The following OR4E2 variants were observed in gnomAD, a reference collection of about 807,000 sequenced individuals.
OR4E2 encodes olfactory receptor 4E2.
In OR4E2, 9 loss-of-function variants were observed where a neutral mutation model predicts 11.0. The observed-to-expected ratio is 0.82, with a 90% CI of 0.49 to 1.43. The LOEUF (loss-of-function observed/expected upper bound fraction) is 1.43. Among genes scored for constraint, OR4E2 ranks in the 40% most tolerant of loss-of-function variants. OR4E2 has a pLI of 0.00. For synonymous variants in OR4E2, 159 were observed against 147.3 expected (o/e 1.08, Z -0.57); for missense variants, 441 against 382.0 (o/e 1.15, Z -1.29).
In OR4E2 at chr14:21,662,776, A is replaced by G. The variant is rs898390158; in HGVS notation, c.-9+2030A>G. Among the ~76,000 whole-genome samples, 17 of 152,190 alleles carry G rather than the reference A, an allele frequency of 1.1e-4. No individual in the cohort carries two copies. In the South Asian group the frequency reaches 3.3e-3, roughly 30 times the overall value. On this transcript the variant is annotated intron_variant, in intron 3 of 3. Transcript: ENST00000641524. Reference sequence around the variant, plus strand: ...ACTACTGTTCCTAATGTAAACCCCTAATGTAAGCCTCACGTTATTTTAAAT... The same window carrying G: ...ACTACTGTTCCTAATGTAAACCCCTGATGTAAGCCTCACGTTATTTTAAAT...
At position 21,654,524 on chromosome 14, in the gene OR4E2, A is replaced by G. The variant is rs76779294; in HGVS notation, c.-191+585A>G. ...AAATTAGTCCTTTGGTATACATGGG[A>G]GGATTGGTTTCCAGGATGCCCCTAC... On this transcript the variant is annotated intron_variant, in intron 1 of 3. Coordinates refer to ENST00000641524, the MANE Select transcript of OR4E2 (RefSeq NM_001001912.3). Among the ~76,000 whole-genome samples the G allele has an allele frequency of 9.4e-3, 1,429 of 152,008 alleles. 9 individuals are homozygous for G. The highest frequency in any genetic ancestry group is 0.014 in the Non-Finnish European group (960 of 68,000).
chr14:21,665,229 A>C lies in OR4E2; in HGVS notation c.147A>C (p.Thr49=), dbSNP rs564198017. Residue 49 remains threonine (T), a synonymous_variant, in exon 4 of 4, where the codon ACA becomes ACC. Transcript: ENST00000641524. ...LSGNILIIIA[T]VFTPSLHTPM... is the part of the protein sequence containing the mutation. ...GGAACATTCTCATCATCATTGCCACAGTCTTTACTCCAAGTCTCCATACCC... is the reference window on the plus strand; with the variant it reads ...GGAACATTCTCATCATCATTGCCACCGTCTTTACTCCAAGTCTCCATACCC... The C allele has an allele frequency of 6.2e-6, 10 of 1,614,078 alleles. No individual in the cohort carries two copies. In the South Asian group the frequency reaches 1.1e-4, roughly 18 times the overall value.
rs1294212928 is a variant in OR4E2, at chr14:21,667,396, C to T, written c.*1372C>T. ...CACTAACTCTAACTAAAGAGTAATA[C>T]ATGATTACCTTTTAGTAATCAAAAG... On this transcript the variant is annotated 3_prime_UTR_variant, in exon 4 of 4. Transcript: ENST00000641524. 4 of 152,090 alleles carry T rather than the reference C, an allele frequency of 2.6e-5. No homozygotes were observed. The highest frequency in any genetic ancestry group is 7.2e-5 in the African/African-American group (3 of 41,414). The allele number at this position is 152,090 out of a possible 1,614,324, so 9.4% of individuals were successfully genotyped here. A position where few individuals can be genotyped will look rare whatever the true frequency, so the allele number is the denominator to read the frequency against.
At chr14:21,657,345 CCTTCCT>C (rs1880006845) in intron 2 of OR4E2, among the ~76,000 whole-genome samples, 2 of 124,428 alleles carry the variant, frequency 1.6e-5, no homozygotes, top group Non-Finnish European at 3.3e-5. Context: ...ATGCTTCCTT[CCTTCCT>C]TCCTTCCTTC....
intron 2 of OR4E2, among the ~76,000 whole-genome samples, chr14:21,658,519 C>A (rs1327761784): frequency 3.3e-5 from 5 of 152,092 alleles, no homozygotes. Context: ...AAGGATTGAG[C>A]CTTTAGTGCT....
In OR4E2 at chr14:21,666,025, T is replaced by C. The variant is rs1594552193; in HGVS notation, c.*1T>C. The C allele has an allele frequency of 3.7e-6, 6 of 1,605,054 alleles. No homozygotes were observed. The highest frequency in any genetic ancestry group is 5.1e-6 in the Non-Finnish European group (6 of 1,173,844). ...TTTTTTCACGAAATCATATACATAA[T>C]GGGCACTGGGATTGCAGACATAATT... On this transcript the variant is annotated 3_prime_UTR_variant, in exon 4 of 4. Transcript: ENST00000641524.
chr14:21,666,134 A>G lies in OR4E2; in HGVS notation c.*110A>G. 1.4e-6 allele frequency: 1 copy of G among 713,982 alleles called. No homozygotes were observed. The highest frequency in any genetic ancestry group is 1.9e-5 in the South Asian group (1 of 52,588). The allele number at this position is 713,982 out of a possible 1,614,324, so 44.2% of individuals were successfully genotyped here. On this transcript the variant is annotated 3_prime_UTR_variant, in exon 4 of 4. Coordinates refer to ENST00000641524, the MANE Select transcript of OR4E2 (RefSeq NM_001001912.3). Reference sequence around the variant, plus strand: ...TGGTAAATTAGGTAAAATGGCATAGAGCAGGTCAGATTTCTGCTCATTAAA... The same window carrying G: ...TGGTAAATTAGGTAAAATGGCATAGGGCAGGTCAGATTTCTGCTCATTAAA...
chr14:21,661,861 A>G (rs1363074117), intron 3 of OR4E2, among the ~76,000 whole-genome samples: 1 of 152,120 alleles, frequency 6.6e-6, no homozygotes, highest in Admixed American at 6.5e-5. Context: ...TTTAGTTACC[A>G]GTTTCTTTAT....
intron 2 of OR4E2, among the ~76,000 whole-genome samples, chr14:21,658,115 C>T (rs1880115346): frequency 6.6e-6 from 1 of 152,194 alleles, no homozygotes; most frequent in Non-Finnish European, 1.5e-5. Flanking sequence ...TAATCCAACT[C>T]AGCTCTCTGC....
chr14:21,666,213 A>G lies in OR4E2; in HGVS notation c.*189A>G. ...TAAGAACTTATTAACTATTATTTAA[A>G]TAAAGCAAAAGATCATAGTGGAAGT... On this transcript the variant is annotated 3_prime_UTR_variant, in exon 4 of 4. Transcript: ENST00000641524. The G allele has an allele frequency of 2.1e-6, 1 of 470,948 alleles. No homozygotes were observed. Among genetic ancestry groups the G allele is most frequent in the South Asian group, 4.1e-5 (1 of 24,476 alleles). 29.2% of individuals were successfully genotyped at this position (470,948 alleles called of 1,614,324 possible). A position where few individuals can be genotyped will look rare whatever the true frequency, so the allele number is the denominator to read the frequency against.
chr14:21,662,622 T>A (rs1880394570), intron 3 of OR4E2, among the ~76,000 whole-genome samples: 1 of 152,172 alleles, frequency 6.6e-6, no homozygotes, highest in Non-Finnish European at 1.5e-5. Flanking sequence ...TTTAAATTAT[T>A]GAGAAAGTTT....
chr14:21,658,199 G>C (rs1880121824), intron 2 of OR4E2, among the ~76,000 whole-genome samples: 1 of 152,216 alleles, frequency 6.6e-6, no homozygotes, highest in African/African-American at 2.4e-5. Context: ...CCATGCAAAA[G>C]CTGGGAAAGC....
chr14:21,663,951 G>A (rs1043687280), intron 3 of OR4E2, among the ~76,000 whole-genome samples: 1 of 152,168 alleles, frequency 6.6e-6, no homozygotes, highest in East Asian at 1.9e-4. Flanking sequence ...TTTTATGGCT[G>A]CATAATATTT....
chr14:21,663,487 A>T (rs75646075), intron 3 of OR4E2, among the ~76,000 whole-genome samples: 1 of 149,830 alleles, frequency 6.7e-6, no homozygotes, highest in Admixed American at 6.6e-5. Flanking sequence ...CTCGAAAAAA[A>T]TTTTTTTTTT....
chr14:21,664,298 C>T (rs1447336997), intron 3 of OR4E2, among the ~76,000 whole-genome samples: 1 of 152,206 alleles, frequency 6.6e-6, no homozygotes, highest in Non-Finnish European at 1.5e-5. Context: ...TTCATAATAG[C>T]CAATGGTATC....
Position 21,665,962 on chromosome 14 carries a change from G to A in OR4E2, c.880G>A (p.Val294Ile), listed in dbSNP as rs577235126. 1.2e-6 allele frequency: 2 copies of A among 1,614,068 alleles called. No individual in the cohort carries two copies. The highest frequency in any genetic ancestry group is 8.5e-7 in the Non-Finnish European group (1 of 1,180,012). Residue 294 changes from valine (V) to isoleucine (I), a missense_variant, in exon 4 of 4, where the codon GTA becomes ATA. Val to Ile is a conservative substitution (Grantham distance 29). Transcript: ENST00000641524. ...PFIYTLRNEEVKSAMKQLRQR... is the reference protein window; with the variant it reads ...PFIYTLRNEEIKSAMKQLRQR... ...CATTTACACCTTGAGGAATGAGGAG[G>A]TAAAAAGTGCCATGAAGCAGCTCAG... is the stretch of plus-strand genomic sequence containing the variant.
chr14:21,662,856 A>G (rs576854040), intron 3 of OR4E2, among the ~76,000 whole-genome samples: 2 of 152,308 alleles, frequency 1.3e-5, no homozygotes, highest in South Asian at 4.1e-4. Flanking sequence ...TTGAATGCTT[A>G]CAAGTGAAAT....
intron 1 of OR4E2, among the ~76,000 whole-genome samples, chr14:21,654,379 C>T (rs182431554): frequency 6.6e-5 from 10 of 150,874 alleles, no homozygotes; most frequent in East Asian, 1.9e-4. Flanking sequence ...CACACACACA[C>T]GCATGCACAC....
At chr14:21,663,623 G>A (rs556305994) in intron 3 of OR4E2, among the ~76,000 whole-genome samples, 1 of 152,284 alleles carries the variant, frequency 6.6e-6, no homozygotes, top group South Asian at 2.1e-4. Flanking sequence ...CTTAAAGGTA[G>A]TGTTCTTTGA....
Sources: allele counts gnomAD v4.1 joint callset (sites outside exome capture counted in the v4.1 genomes callset), GRCh38; gene constraint gnomAD v4.1.1; transcripts MANE v1.5; gene names NCBI Gene and HGNC (gene_info 2026-07-23, HGNC 2026-07-21).